Variants in PFKFB3 observed in about 807,000 individuals in gnomAD.
PFKFB3 encodes 6-phosphofructo-2-kinase/fructose-2,6-bisphosphatase 3.
PFKFB3 carries 33 observed loss-of-function variants against 68.0 expected under a neutral mutation model. The ratio of observed to expected loss-of-function variants is 0.49; its 90% CI spans 0.37 to 0.65. The LOEUF is 0.65. PFKFB3 is among the 30% of genes least tolerant of loss of function. PFKFB3 has a pLI of 0.00. For synonymous variants in PFKFB3, 315 were observed against 288.2 expected, an observed-to-expected ratio of 1.09 and a Z score of -0.94; for missense variants, 586 against 712.2, an observed-to-expected ratio of 0.82 and a Z score of 2.02.
intron 1 of PFKFB3, among the ~76,000 whole-genome samples, chr10:6,189,358 A>G (rs1842965415): frequency 6.6e-6 from 1 of 152,114 alleles, no homozygotes; most frequent in Non-Finnish European, 1.5e-5. Flanking sequence ...TTAGAAAATA[A>G]GGTCACTTAT....
chr10:6,252,725 C>T (rs1846407828), intron 14 of PFKFB3, among the ~76,000 whole-genome samples: 1 of 152,072 alleles, frequency 6.6e-6, no homozygotes, highest in African/African-American at 2.4e-5. Context: ...TTGAAAATAT[C>T]TCTAGTACAT....
chr10:6,296,818 T>C, the PFKFB3 span, among the ~76,000 whole-genome samples: 154 of 152,340 alleles, frequency 1.0e-3, no homozygotes, highest in African/African-American at 3.7e-3. Context: ...GCTTCTTTAC[T>C]GCATCCTGTT....
intron 1 of PFKFB3, among the ~76,000 whole-genome samples, chr10:6,165,415 T>C (rs1842102931): frequency 6.6e-6 from 1 of 152,208 alleles, no homozygotes; most frequent in African/African-American, 2.4e-5. Context: ...GTCTTCCTTT[T>C]CTGCATAGAC....
the PFKFB3 span, among the ~76,000 whole-genome samples, chr10:6,284,022 T>C: frequency 6.6e-6 from 1 of 152,166 alleles, no homozygotes; most frequent in Non-Finnish European, 1.5e-5. Context: ...TCCTTGTGAG[T>C]TGACTCACAA....
intron 5 of PFKFB3, 108 bp from the exon 6 acceptor site, chr10:6,217,027 T>C: frequency 1.8e-6 from 2 of 1,123,394 alleles, no homozygotes; most frequent in Non-Finnish European, 2.7e-6. Context: ...TGTTTGGGAG[T>C]TGGTGGGTGG....
exon 15 of PFKFB3, chr10:6,254,423 G>A: frequency 2.5e-6 from 1 of 398,548 alleles, no homozygotes; most frequent in Non-Finnish European, 4.4e-6. Context: ...ACTCTGAGAA[G>A]CTTCCCTTAT....
intron 13 of PFKFB3, chr10:6,225,214 G>C (rs1289629692): frequency 4.4e-6 from 2 of 456,110 alleles, no homozygotes; most frequent in Admixed American, 4.7e-5. Context: ...CTCTTAGACC[G>C]AGCGTGACTT....
At chr10:6,270,777 T>C in the PFKFB3 span, among the ~76,000 whole-genome samples, 6,758 of 152,258 alleles carry the variant, frequency 0.044, 286 homozygotes, top group South Asian at 0.18. Flanking sequence ...AGTTGCAGTT[T>C]CACCTTTATT....
chr10:6,247,271 A>T (rs937677750), intron 14 of PFKFB3, among the ~76,000 whole-genome samples: 2 of 152,224 alleles, frequency 1.3e-5, no homozygotes, highest in African/African-American at 4.8e-5. Flanking sequence ...AATAGAGCCA[A>T]AATTTCTTTT....
At chr10:6,307,454 A>C in the PFKFB3 span, among the ~76,000 whole-genome samples, 1 of 152,048 alleles carries the variant, frequency 6.6e-6, no homozygotes, top group South Asian at 2.1e-4. Context: ...GAACATTTCT[A>C]TGTACTGAGA....
intron 1 of PFKFB3, among the ~76,000 whole-genome samples, chr10:6,148,551 G>A (rs1841472883): frequency 6.6e-6 from 1 of 152,238 alleles, no homozygotes; most frequent in Non-Finnish European, 1.5e-5. Context: ...GGTCTCCAGG[G>A]TGACGGTGGT....
the PFKFB3 span, among the ~76,000 whole-genome samples, chr10:6,304,635 A>G: frequency 4.6e-5 from 7 of 151,226 alleles, no homozygotes; most frequent in Non-Finnish European, 8.8e-5. Context: ...TGCTGGGATT[A>G]CAGGCATAAG....
At chr10:6,314,792 G>A in the PFKFB3 span, among the ~76,000 whole-genome samples, 1 of 152,206 alleles carries the variant, frequency 6.6e-6, no homozygotes, top group Non-Finnish European at 1.5e-5. Flanking sequence ...CTGACGGGAA[G>A]GGCTCAGCGG....
chr10:6,290,290 A>G, the PFKFB3 span, among the ~76,000 whole-genome samples: 1 of 151,720 alleles, frequency 6.6e-6, no homozygotes. Flanking sequence ...GCCAGTTTTC[A>G]AAGAGAATGC....
chr10:6,273,713 G>C, the PFKFB3 span, among the ~76,000 whole-genome samples: 4 of 152,316 alleles, frequency 2.6e-5, no homozygotes, highest in South Asian at 8.3e-4. Context: ...CCTTAATCCA[G>C]TATGGCTGAT....
the PFKFB3 span, among the ~76,000 whole-genome samples, chr10:6,274,991 G>A: frequency 6.6e-6 from 1 of 152,180 alleles, no homozygotes; most frequent in Non-Finnish European, 1.5e-5. Flanking sequence ...TGGAGGAAAA[G>A]ATTTTTTTTC....
At chr10:6,198,207 C>G (rs1183103856), upstream of PFKFB3, among the ~76,000 whole-genome samples, 1 of 146,264 alleles carries the variant, frequency 6.8e-6, no homozygotes, top group Non-Finnish European at 1.5e-5. Flanking sequence ...GATGGTACCA[C>G]TGCACTCCAA....
chr10:6,226,142 C>A (rs905853827), intron 13 of PFKFB3, 50 bp from the exon 14 acceptor site: 2 of 1,472,176 alleles, frequency 1.4e-6, no homozygotes, highest in Non-Finnish European at 1.8e-6. Context: ...AATTTTCCTC[C>A]CCTTCTTTGT....
At chr10:6,249,762 T>A (rs1416420503) in intron 14 of PFKFB3, among the ~76,000 whole-genome samples, 2 of 151,922 alleles carry the variant, frequency 1.3e-5, no homozygotes, top group Non-Finnish European at 2.9e-5. Context: ...TGTGTGTGTG[T>A]GATATTGTAC....
Sources: gnomAD v4.1 joint callset for allele counts (sites outside exome capture counted in the v4.1 genomes callset) on GRCh38, gnomAD v4.1.1 for gene constraint, MANE v1.5 for transcripts, NCBI Gene and HGNC (gene_info 2026-07-23, HGNC 2026-07-21) for gene names.